The following FRAS1 variants were observed in gnomAD, a reference collection of about 807,000 sequenced individuals.
FRAS1 encodes extracellular matrix organizing protein FRAS1.
FRAS1 carries 290 observed loss-of-function variants against 435.2 expected under a neutral mutation model. That is an observed-to-expected ratio of 0.67 (90% CI 0.61 to 0.73). The LOEUF (loss-of-function observed/expected upper bound fraction) is 0.73. Ranked by LOEUF, FRAS1 falls within the 30% of genes least tolerant of loss-of-function variation. The pLI is 0.00. For synonymous variants in FRAS1, 1,800 were observed against 1,851.0 expected, an observed-to-expected ratio of 0.97 and a Z score of 0.71; for missense variants, 4,860 against 5,001.5, an observed-to-expected ratio of 0.97 and a Z score of 0.85.
intron 40 of FRAS1, among the ~76,000 whole-genome samples, chr4:78,439,814 T>G (rs984129505): frequency 6.6e-6 from 1 of 152,080 alleles, no homozygotes; most frequent in Non-Finnish European, 1.5e-5. Flanking sequence ...TAAAATATTA[T>G]CATTTTCTAC....
At chr4:78,469,947 G>T (rs548561212) in intron 50 of FRAS1, 31 bp from the exon 51 acceptor site, 2 of 1,506,718 alleles carry the variant, frequency 1.3e-6, no homozygotes, top group African/African-American at 1.4e-5. Flanking sequence ...ACTTGTGAAT[G>T]ATGAGTTTTC....
At position 78,522,744 on chromosome 4, in the gene FRAS1, T is replaced by C; in HGVS notation, c.10744T>C (p.Leu3582=). Residue 3582 remains leucine (L), a synonymous_variant, in exon 69 of 74, where the codon TTA becomes CTA. Transcript: ENST00000512123. ...LGGIEFDLQL[L]WSAQTFDSPH... The stretch of plus-strand genomic sequence containing the variant: ...AGGAATTGAATTTGACTTGCAGCTA[T>C]TATGGAGCGCTCAGACTTTTGATTC... 1 of 1,612,538 alleles carries C rather than the reference T, an allele frequency of 6.2e-7. No individual in the cohort carries two copies. Among genetic ancestry groups the C allele is most frequent in the Non-Finnish European group, 8.5e-7 (1 of 1,179,244 alleles).
chr4:78,213,687 A>C (rs1382977651), intron 2 of FRAS1, among the ~76,000 whole-genome samples: 1 of 152,190 alleles, frequency 6.6e-6, no homozygotes, highest in Non-Finnish European at 1.5e-5. Context: ...TGTATCAAAT[A>C]TGGAGACTAC....
intron 32 of FRAS1, among the ~76,000 whole-genome samples, chr4:78,414,135 G>A (rs1283443351): frequency 6.6e-6 from 1 of 152,112 alleles, no homozygotes; most frequent in African/African-American, 2.4e-5. Flanking sequence ...AGCTGGTATC[G>A]GCATTTCCAC....
At chr4:78,409,938 G>A (rs954288834) in intron 31 of FRAS1, among the ~76,000 whole-genome samples, 5 of 152,174 alleles carry the variant, frequency 3.3e-5, no homozygotes, top group Non-Finnish European at 7.3e-5. Flanking sequence ...TCCAGAGAGC[G>A]GGTTGAGATA....
intron 2 of FRAS1, among the ~76,000 whole-genome samples, chr4:78,119,071 AT>A (rs1037348795): frequency 6.6e-6 from 1 of 152,208 alleles, no homozygotes; most frequent in Non-Finnish European, 1.5e-5. Flanking sequence ...TTTTAAAAAA[AT>A]AATTGTATAT....
chr4:78,390,376 G>A (rs923819893), intron 29 of FRAS1, among the ~76,000 whole-genome samples: 1 of 152,126 alleles, frequency 6.6e-6, no homozygotes, highest in Non-Finnish European at 1.5e-5. Context: ...TTCCAAAAGA[G>A]GAAACTGAAG....
At chr4:78,208,061 C>T (rs1421121768) in intron 2 of FRAS1, among the ~76,000 whole-genome samples, 1 of 152,130 alleles carries the variant, frequency 6.6e-6, no homozygotes, top group Non-Finnish European at 1.5e-5. Context: ...CAGGAGACAC[C>T]GCAAATACTG....
chr4:78,282,469 A>G (rs984691923), intron 11 of FRAS1, among the ~76,000 whole-genome samples: 4 of 152,220 alleles, frequency 2.6e-5, no homozygotes, highest in Non-Finnish European at 4.4e-5. Context: ...CCAGCTACAC[A>G]GTAATCTCCT....
chr4:78,067,860 A>ATTTTTT (rs35606977), intron 2 of FRAS1, among the ~76,000 whole-genome samples: 1 of 134,404 alleles, frequency 7.4e-6, no homozygotes, highest in Non-Finnish European at 1.6e-5. Flanking sequence ...CACCCAGCCA[A>ATTTTTT]TTTTTTTTTT....
intron 2 of FRAS1, among the ~76,000 whole-genome samples, chr4:78,210,420 G>C (rs1459292697): frequency 6.6e-6 from 1 of 152,196 alleles, no homozygotes; most frequent in Non-Finnish European, 1.5e-5. Flanking sequence ...ATCAGGCCTA[G>C]GTCTATATCA....
chr4:78,266,755 G>C (rs1351873987), intron 7 of FRAS1, 79 bp from the exon 8 acceptor site: 5 of 998,826 alleles, frequency 5.0e-6, no homozygotes, highest in Non-Finnish European at 7.7e-6. Flanking sequence ...ATGAAAATTG[G>C]GTGTCTTATG....
At chr4:78,116,426 G>A (rs918715609) in intron 2 of FRAS1, among the ~76,000 whole-genome samples, 5 of 152,260 alleles carry the variant, frequency 3.3e-5, no homozygotes, top group Middle Eastern at 6.8e-3. Context: ...TGTTGACAGT[G>A]GGGTGTTAAA....
intron 2 of FRAS1, among the ~76,000 whole-genome samples, chr4:78,233,548 A>T (rs1724603283): frequency 6.6e-6 from 1 of 152,244 alleles, no homozygotes; most frequent in African/African-American, 2.4e-5. Flanking sequence ...AATGCCTGTG[A>T]CATAATATAA....
rs1208167209 is a variant in FRAS1, at chr4:78,470,657, A to G, written c.7371+566A>G. Among the ~76,000 whole-genome samples the G allele has an allele frequency of 2.0e-5, 3 of 152,226 alleles. No homozygotes were observed. In the East Asian group the frequency reaches 5.8e-4, roughly 29 times the overall value. The stretch of plus-strand genomic sequence containing the variant: ...TAGCATTTGTGCCATGTGAGGTATT[A>G]TAAGTAATCTTGACTTAAAGTATAC... On this transcript the variant is annotated intron_variant, in intron 51 of 73. Transcript: ENST00000512123.
intron 31 of FRAS1, among the ~76,000 whole-genome samples, chr4:78,411,328 T>G (rs1733327411): frequency 6.6e-6 from 1 of 152,114 alleles, no homozygotes; most frequent in African/African-American, 2.4e-5. Flanking sequence ...GCCAGGCTGG[T>G]CTCGAACTCC....
intron 2 of FRAS1, among the ~76,000 whole-genome samples, chr4:78,143,210 A>G (rs985893881): frequency 6.6e-6 from 1 of 152,210 alleles, no homozygotes; most frequent in African/African-American, 2.4e-5. Flanking sequence ...CAATATAGCT[A>G]TGATATCTTA....
chr4:78,521,730 G>T, intron 68 of FRAS1, 100 bp downstream of exon 68: 1 of 711,054 alleles, frequency 1.4e-6, no homozygotes, highest in South Asian at 1.8e-5. Flanking sequence ...AGTCAACAAT[G>T]ATTAACATTT....
At chr4:78,092,618 A>C (rs1560516859) in intron 2 of FRAS1, among the ~76,000 whole-genome samples, 1 of 152,238 alleles carries the variant, frequency 6.6e-6, no homozygotes, top group African/African-American at 2.4e-5. Flanking sequence ...GGGAGCTACA[A>C]GATGAGATTT....
Sources: gnomAD v4.1 joint callset for allele counts (sites outside exome capture counted in the v4.1 genomes callset) on GRCh38, gnomAD v4.1.1 for gene constraint, MANE v1.5 for transcripts, NCBI Gene and HGNC (gene_info 2026-07-23, HGNC 2026-07-21) for gene names.